Variants in ZBTB16 observed in about 807,000 individuals in gnomAD.
ZBTB16 encodes the protein zinc finger and BTB domain-containing protein 16.
ZBTB16 carries 8 observed loss-of-function variants against 56.8 expected under a neutral mutation model. The ratio of observed to expected loss-of-function variants is 0.14; its 90% CI spans 0.08 to 0.25. The LOEUF (loss-of-function observed/expected upper bound fraction) is 0.25. ZBTB16 is among the 10% of genes least tolerant of loss of function. The pLI is 1.00. For missense variants in ZBTB16, 625 were observed against 903.0 expected (o/e 0.69, Z 3.95); for synonymous variants, 363 against 368.5 (o/e 0.98, Z 0.17).
At chr11:114,115,509 C>T (rs2137790449) in intron 2 of ZBTB16, among the ~76,000 whole-genome samples, 1 of 152,076 alleles carries the variant, frequency 6.6e-6, no homozygotes, top group South Asian at 2.1e-4. Flanking sequence ...AGAGATGGGT[C>T]CCACCACATT....
intron 2 of ZBTB16, among the ~76,000 whole-genome samples, chr11:114,103,182 T>G (rs180862258): frequency 1.5e-4 from 23 of 152,284 alleles, no homozygotes; most frequent in Non-Finnish European, 2.8e-4. Context: ...TTGAAAGCAT[T>G]CTCCTGCCTT....
At position 114,220,794 on chromosome 11, in the gene ZBTB16, C is replaced by G. The variant is rs368936411; in HGVS notation, c.1454-21373C>G. On this transcript the variant is annotated intron_variant, in intron 4 of 6. Transcript: ENST00000335953. ...CCCATGACTTCCCTCTAGGGACGGTCATGAGGACAGAGTGAGCTGGGGTAG... is the reference window on the plus strand; with the variant it reads ...CCCATGACTTCCCTCTAGGGACGGTGATGAGGACAGAGTGAGCTGGGGTAG... Among the ~76,000 whole-genome samples, 167 of 152,330 alleles carry G rather than the reference C, an allele frequency of 1.1e-3. 3 individuals are homozygous for G. The South Asian group carries it at 0.032, about 29-fold the overall frequency.
chr11:114,068,356 C>G (rs1939203437), intron 2 of ZBTB16, among the ~76,000 whole-genome samples: 1 of 152,094 alleles, frequency 6.6e-6, no homozygotes, highest in Admixed American at 6.6e-5. Flanking sequence ...TGATTTGATC[C>G]CAAGCTGGTG....
chr11:114,108,540 CT>C (rs1218938885), intron 2 of ZBTB16, among the ~76,000 whole-genome samples: 1 of 152,194 alleles, frequency 6.6e-6, no homozygotes, highest in Non-Finnish European at 1.5e-5. Context: ...GCTCATCTCC[CT>C]TCTTCCCCCT....
chr11:114,160,762 A>G (rs1331387284), intron 3 of ZBTB16, among the ~76,000 whole-genome samples: 3 of 152,224 alleles, frequency 2.0e-5, no homozygotes, highest in Non-Finnish European at 2.9e-5. Context: ...GATGATCACA[A>G]TAAGTTTAAA....
intron 6 of ZBTB16, among the ~76,000 whole-genome samples, chr11:114,247,614 A>C (rs913288796): frequency 1.3e-5 from 2 of 152,206 alleles, no homozygotes; most frequent in African/African-American, 4.8e-5. Context: ...GTGAGCCCCC[A>C]TCAGCCCTCC....
At chr11:114,177,104 A>G (rs1335231588) in intron 3 of ZBTB16, among the ~76,000 whole-genome samples, 1 of 152,212 alleles carries the variant, frequency 6.6e-6, no homozygotes, top group Non-Finnish European at 1.5e-5. Context: ...AAATTATTCT[A>G]TAATCATGAT....
intron 3 of ZBTB16, among the ~76,000 whole-genome samples, chr11:114,166,250 C>A (rs1942754487): frequency 7.9e-6 from 1 of 126,166 alleles, no homozygotes; most frequent in Non-Finnish European, 1.7e-5. Context: ...GTGTGTGTAA[C>A]CATGAGGGAG....
intron 2 of ZBTB16, among the ~76,000 whole-genome samples, chr11:114,144,666 C>T (rs1390306053): frequency 2.6e-5 from 4 of 152,230 alleles, no homozygotes; most frequent in South Asian, 2.1e-4. Flanking sequence ...GTTCCAGCAC[C>T]GTGGGTCCCA....
At chr11:114,230,980 G>A (rs1944433711) in intron 4 of ZBTB16, among the ~76,000 whole-genome samples, 1 of 152,054 alleles carries the variant, frequency 6.6e-6, no homozygotes, top group African/African-American at 2.4e-5. Context: ...TTACATGAGA[G>A]CCTAGCTGAG....
chr11:114,095,245 CTTTTTTTTTTTTTTTTTT>C (rs745895999), intron 2 of ZBTB16, among the ~76,000 whole-genome samples: 251 of 90,476 alleles, frequency 2.8e-3, no homozygotes, highest in African/African-American at 0.014. Flanking sequence ...CTTTTCTTTT[CTTTTTTTTTTTTTTTTTT>C]TTTTTTTTGT....
At chr11:114,233,066 TGCGC>T (rs71063553) in intron 4 of ZBTB16, among the ~76,000 whole-genome samples, 20,154 of 94,208 alleles carry the variant, frequency 0.21, 3,078 homozygotes, top group South Asian at 0.33. Flanking sequence ...CACATACGCA[TGCGC>T]GCGCGCGCGC....
Position 114,064,127 on chromosome 11 carries a change from G to A in ZBTB16, c.827G>A (p.Gly276Asp). 6.2e-7 allele frequency: 1 copy of A among 1,613,912 alleles called. No individual in the cohort carries two copies. Among genetic ancestry groups the A allele is most frequent in the East Asian group, 2.2e-5 (1 of 44,876 alleles). ...ATGGGGGACAAGGTTGAGGAAAGAGGCAAAGAGGGGCCTGGGACCCCGACT... is the reference window on the plus strand; with the variant it reads ...ATGGGGGACAAGGTTGAGGAAAGAGACAAAGAGGGGCCTGGGACCCCGACT... ...GGMGDKVEER[G>D]KEGPGTPTRS... The change falls in exon 2 of 7, where the codon GGC (glycine) becomes GAC (aspartate). Residue 276 changes from glycine (G) to aspartate (D), a missense_variant. Transcript: ENST00000335953. The surrounding 1 kb of genome is among the most constrained non-coding windows in gnomAD (Gnocchi z 4.2).
intron 2 of ZBTB16, among the ~76,000 whole-genome samples, chr11:114,075,030 G>A (rs1939495189): frequency 6.6e-6 from 1 of 152,180 alleles, no homozygotes; most frequent in Non-Finnish European, 1.5e-5. Context: ...TGTGTGGGGT[G>A]GTCAAGGGGA....
At chr11:114,159,943 G>GGGC (rs1430328211) in intron 3 of ZBTB16, among the ~76,000 whole-genome samples, 5 of 145,008 alleles carry the variant, frequency 3.4e-5, no homozygotes, top group Admixed American at 2.7e-4. Context: ...GAGGCGGGGG[G>GGGC]GAGGCGAGCA....
rs1940031943 is a variant in ZBTB16 at position 114,088,167 on chromosome 11, A to C, written c.1268+23599A>C. 1.4e-5 allele frequency among the ~76,000 whole-genome samples: 2 copies of C among 138,318 alleles called. 1 individual carries two copies. Among genetic ancestry groups the C allele is most frequent in the South Asian group, 4.5e-4 (2 of 4,398 alleles). 90.7% of individuals were successfully genotyped at this position (138,318 alleles called of 152,430 possible). A position where few individuals can be genotyped will look rare whatever the true frequency, so the allele number is the denominator to read the frequency against. Reference sequence around the variant, plus strand: ...TTTTTTTTTTTTTTTTTTGATACAGAGTCTCACTCTGTTGCCCAGGCTGGA... The same window carrying C: ...TTTTTTTTTTTTTTTTTTGATACAGCGTCTCACTCTGTTGCCCAGGCTGGA... On this transcript the variant is annotated intron_variant, in intron 2 of 6. Coordinates refer to ENST00000335953, the MANE Select transcript of ZBTB16 (RefSeq NM_006006.6).
chr11:114,061,272 G>C (rs757666121), intron 1 of ZBTB16: 2 of 152,108 alleles, frequency 1.3e-5, no homozygotes, highest in African/African-American at 4.8e-5. Flanking sequence ...AGCGGCGGGT[G>C]GGGGAGACGG....
At chr11:114,085,500 TTGTG>T (rs35497691) in intron 2 of ZBTB16, among the ~76,000 whole-genome samples, 58,148 of 151,096 alleles carry the variant, frequency 0.38, 12,297 homozygotes, top group East Asian at 0.63. Flanking sequence ...GTGTATGACT[TTGTG>T]TGTGTGTGTG....
At position 114,205,265 on chromosome 11, in the gene ZBTB16, C is replaced by A. The variant is rs187273339; in HGVS notation, c.1453+18227C>A. On this transcript the variant is annotated intron_variant, in intron 4 of 6. Coordinates refer to ENST00000335953, the MANE Select transcript of ZBTB16 (RefSeq NM_006006.6). ...TCTACTAAAAATACAAAAAAATTAG[C>A]CGGGCGTAGTGGTGGGCGCCTGTAG... 6.9e-3 allele frequency among the ~76,000 whole-genome samples: 1,044 copies of A among 152,098 alleles called. 5 individuals are homozygous for A. Among genetic ancestry groups the A allele is most frequent in the African/African-American group, 0.024 (1,003 of 41,474 alleles).
Sources: gnomAD v4.1 joint callset for allele counts (sites outside exome capture counted in the v4.1 genomes callset) on GRCh38, gnomAD v4.1.1 for gene constraint, Gnocchi (gnomAD v3.1) non-coding constraint, MANE v1.5 for transcripts, NCBI Gene and HGNC (gene_info 2026-07-23, HGNC 2026-07-21) for gene names.